CPLANE1: variants seen among roughly 807,000 people sequenced by gnomAD.
CPLANE1 encodes the protein ciliogenesis and planar polarity effector complex subunit 1, also known as ciliogenesis and planar polarity effector 1.
Under a neutral mutation model 362.5 loss-of-function variants are expected in CPLANE1, and 263 were observed. That is an observed-to-expected ratio of 0.73 (90% CI 0.66 to 0.80). The LOEUF (loss-of-function observed/expected upper bound fraction) is 0.80. Ranked by LOEUF, CPLANE1 falls within the 30% of genes least tolerant of loss-of-function variation. The pLI, the probability that CPLANE1 is intolerant of heterozygous loss-of-function variation, is 0.00. For synonymous variants in CPLANE1, 1,212 were observed against 1,302.6 expected (o/e 0.93, Z 1.50); for missense variants, 3,461 against 3,793.4 (o/e 0.91, Z 2.30).
At chr5:37,137,084 T>C (rs1005852161) in intron 46 of CPLANE1, among the ~76,000 whole-genome samples, 1 of 152,206 alleles carries the variant, frequency 6.6e-6, no homozygotes, top group Non-Finnish European at 1.5e-5. Context: ...TTCTTTTATA[T>C]TGCACTGTCA....
intron 18 of CPLANE1, among the ~76,000 whole-genome samples, chr5:37,202,475 A>T (rs919577293): frequency 6.6e-6 from 1 of 152,156 alleles, no homozygotes; most frequent in Non-Finnish European, 1.5e-5. Context: ...TTAATAGTAC[A>T]TGATAGTACT....
chr5:37,196,655 G>T (rs1471625935), intron 20 of CPLANE1, among the ~76,000 whole-genome samples: 3 of 152,184 alleles, frequency 2.0e-5, no homozygotes, highest in African/African-American at 7.2e-5. Flanking sequence ...GCCAAGCGAG[G>T]TGGATCACAC....
intron 8 of CPLANE1, among the ~76,000 whole-genome samples, chr5:37,238,639 G>A (rs998938676): frequency 6.6e-6 from 1 of 151,176 alleles, no homozygotes; most frequent in South Asian, 2.1e-4. Context: ...GGGACTACAG[G>A]TGTCCACCAC....
intron 15 of CPLANE1, among the ~76,000 whole-genome samples, chr5:37,215,048 GA>G (rs992025561): frequency 4.6e-5 from 7 of 151,960 alleles, no homozygotes; most frequent in African/African-American, 1.7e-4. Context: ...TTTCCCTTAT[GA>G]TTTTTTTTTC....
chr5:37,135,762 C>G (rs144176080), intron 46 of CPLANE1, among the ~76,000 whole-genome samples: 2,605 of 151,806 alleles, frequency 0.017, 58 homozygotes, highest in African/African-American at 0.052. Flanking sequence ...ACCAGGGAGT[C>G]AGAGGTTGCA....
intron 43 of CPLANE1, 142 bp downstream of exon 43, chr5:37,148,039 C>A: frequency 3.2e-6 from 1 of 308,482 alleles, no homozygotes; most frequent in East Asian, 5.2e-5. Flanking sequence ...AAAAAATAAT[C>A]CTAATCTAAA....
rs760171866 is a variant in CPLANE1 at position 37,157,470 on chromosome 5, G to T, written c.8012-50C>A. 4 of 1,364,004 alleles carry T rather than the reference G, an allele frequency of 2.9e-6. No individual in the cohort carries two copies. The African/African-American group carries it at 4.3e-5, about 15-fold the overall frequency. The allele number at this position is 1,364,004 out of a possible 1,614,324, so 84.5% of individuals were successfully genotyped here. ...TAGAGGAATTGGCTGATTCTATCAAGACTATGAAAAGCATTCAAAGACTGA... is the reference window on the plus strand; with the variant it reads ...TAGAGGAATTGGCTGATTCTATCAATACTATGAAAAGCATTCAAAGACTGA... On this transcript the variant is annotated intron_variant, in intron 40 of 52. Coordinates refer to ENST00000651892, the MANE Select transcript of CPLANE1 (RefSeq NM_001384732.1).
At position 37,226,491 on chromosome 5, in the gene CPLANE1, CACCATTTAAATTGTCAGCT is replaced by C; in HGVS notation, c.2085_2103del (p.Ala696TyrfsTer18). On this transcript the variant is annotated frameshift_variant, in exon 12 of 53. Transcript: ENST00000651892. ...ATAACTTCAGGTTGAAGAATGTATACACCATTTAAATTGTCAGCTACCATTTTGAGTAAATAAAAACAAG... is the reference window on the plus strand; with the variant it reads ...ATAACTTCAGGTTGAAGAATGTATACACCATTTTGAGTAAATAAAAACAAG... The C allele has an allele frequency of 6.5e-7, 1 of 1,550,320 alleles. No homozygotes were observed. The highest frequency in any genetic ancestry group is 8.7e-7 in the Non-Finnish European group (1 of 1,146,492).
intron 38 of CPLANE1, among the ~76,000 whole-genome samples, chr5:37,159,550 A>C (rs1776288743): frequency 6.6e-6 from 1 of 152,232 alleles, no homozygotes; most frequent in African/African-American, 2.4e-5. Context: ...AGTAAAATAA[A>C]CAGGCCTGTC....
Position 37,226,380 on chromosome 5 carries a change from G to A in CPLANE1, c.2215C>T (p.Gln739Ter), listed in dbSNP as rs1796478878. The change falls in exon 12 of 53, where the codon CAG becomes TAG. Residue 739 changes from glutamine to a stop codon, truncating the protein, a stop_gained. Coordinates refer to ENST00000651892, the MANE Select transcript of CPLANE1 (RefSeq NM_001384732.1). LOFTEE classifies it high-confidence loss of function. ...IFQMFQDSGFQKNWSWNSFFK... is the reference protein window; with the variant it reads ...IFQMFQDSGF ...AATGAGTTCCAAGACCAGTTTTTCT[G>A]AAAACCACTATCTTGAAACATCTGA... is the stretch of plus-strand genomic sequence containing the variant. 1.3e-6 allele frequency: 2 copies of A among 1,547,848 alleles called. No individual in the cohort carries two copies. The highest frequency in any genetic ancestry group is 1.7e-6 in the Non-Finnish European group (2 of 1,145,952).
intron 18 of CPLANE1, among the ~76,000 whole-genome samples, chr5:37,204,883 G>A (rs960611876): frequency 9.9e-5 from 15 of 152,170 alleles, no homozygotes; most frequent in African/African-American, 2.7e-4. Context: ...TCAGCCGGGC[G>A]CAGTGGCTCA....
chr5:37,125,205 T>C lies in CPLANE1; in HGVS notation c.8958+39A>G, dbSNP rs149342142. 268 of 1,555,372 alleles carry C rather than the reference T, an allele frequency of 1.7e-4. 1 individual carries two copies. The African/African-American group carries it at 3.5e-3, about 20-fold the overall frequency. On this transcript the variant is annotated intron_variant, in intron 47 of 52. Coordinates refer to ENST00000651892, the MANE Select transcript of CPLANE1 (RefSeq NM_001384732.1). Reference sequence around the variant, plus strand: ...ATTTTGCCAGGAAAGTAATTACACATATTCTGTAATTCCATTACCCTTGAC... The same window carrying C: ...ATTTTGCCAGGAAAGTAATTACACACATTCTGTAATTCCATTACCCTTGAC...
chr5:37,197,219 G>T (rs1434581471), intron 20 of CPLANE1, among the ~76,000 whole-genome samples: 1 of 152,108 alleles, frequency 6.6e-6, no homozygotes, highest in African/African-American at 2.4e-5. Context: ...TCAGGAAAGG[G>T]CTCTAAGAGA....
intron 1 of CPLANE1, among the ~76,000 whole-genome samples, chr5:37,248,241 C>T (rs1018242839): frequency 1.3e-5 from 2 of 152,020 alleles, no homozygotes; most frequent in African/African-American, 4.8e-5. Context: ...GATTCTCTTG[C>T]CTCAGCCTCC....
In CPLANE1 at chr5:37,205,456, T is replaced by C. The variant is rs1790435530; in HGVS notation, c.3150-2A>G. The C allele has an allele frequency of 4.7e-6, 7 of 1,493,854 alleles. No homozygotes were observed. The highest frequency in any genetic ancestry group is 6.2e-6 in the Non-Finnish European group (7 of 1,120,436). 92.5% of individuals were successfully genotyped at this position (1,493,854 alleles called of 1,614,324 possible). On this transcript the variant is annotated splice_acceptor_variant, in intron 17 of 52. Transcript: ENST00000651892. LOFTEE classifies it high-confidence loss of function. Reference sequence around the variant, plus strand: ...AGATTCAGACTCTTTTTCTTGGACCTGAAATGACATCAAATTAAGGGAAAT... The same window carrying C: ...AGATTCAGACTCTTTTTCTTGGACCCGAAATGACATCAAATTAAGGGAAAT...
In CPLANE1 at chr5:37,125,705, A is replaced by G. The variant is rs189127856; in HGVS notation, c.8793-296T>C. ...CTCAGAAAACTATATAGCCTCCTGC[A>G]TTGGCTCCTTTCTTCTCTGCTCACT... On this transcript the variant is annotated intron_variant, in intron 46 of 52. Transcript: ENST00000651892. 2.0e-5 allele frequency among the ~76,000 whole-genome samples: 3 copies of G among 152,302 alleles called. No individual in the cohort carries two copies. In the East Asian group the frequency reaches 5.8e-4, roughly 29 times the overall value.
rs548645125 is a variant in CPLANE1, at chr5:37,198,823, C to A, written c.3551G>T (p.Arg1184Leu). The stretch of plus-strand genomic sequence containing the variant: ...CTGAAGGATTCCAGATACCTTCTGG[C>A]GATTATTTTTTTCAGCTTTTAAAAG... ...DLLLKAEKNN[R>L]QKVSGILQRV... Residue 1184 changes from arginine to leucine, a missense_variant, in exon 20 of 53, where the codon CGC becomes CTC. Around this residue, in one of 2 missense-constraint regions of CPLANE1, gnomAD observed 3,380 missense variants for 3,666.1 expected, o/e 0.92. Transcript: ENST00000651892. 2 of 1,613,738 alleles carry A rather than the reference C, an allele frequency of 1.2e-6. No homozygotes were observed. Among genetic ancestry groups the A allele is most frequent in the South Asian group, 2.2e-5 (2 of 91,068 alleles).
In CPLANE1 at chr5:37,210,330, A is replaced by C. The variant is rs1375983279; in HGVS notation, c.2920+3229T>G. 3 of 1,335,516 alleles carry C rather than the reference A, an allele frequency of 2.2e-6. No homozygotes were observed. In the African/African-American group the frequency reaches 4.3e-5, roughly 19 times the overall value. The allele number at this position is 1,335,516 out of a possible 1,614,324, so 82.7% of individuals were successfully genotyped here. A position where few individuals can be genotyped will look rare whatever the true frequency, so the allele number is the denominator to read the frequency against. On this transcript the variant is annotated intron_variant, in intron 16 of 52. Coordinates refer to ENST00000651892, the MANE Select transcript of CPLANE1 (RefSeq NM_001384732.1). ...GAAGCTCCAGGAAGAAAAACATAAA[A>C]GTATGACTGAGGCACTTAGGAGACG...
intron 5 of CPLANE1, 66 bp from the exon 6 acceptor site, chr5:37,243,185 C>T (rs1376526848): frequency 2.3e-6 from 2 of 879,334 alleles, no homozygotes; most frequent in Non-Finnish European, 3.5e-6. Flanking sequence ...TACTAAAATA[C>T]ATATATATAT....
Sources: gnomAD v4.1 joint callset for allele counts (sites outside exome capture counted in the v4.1 genomes callset) on GRCh38, gnomAD v4.1.1 for gene constraint, gnomAD v4.1.1 regional missense constraint, MANE v1.5 for transcripts, NCBI Gene and HGNC (gene_info 2026-07-23, HGNC 2026-07-21) for gene names.